The following TACO1 variants were observed in gnomAD, a reference collection of about 807,000 sequenced individuals.
TACO1 encodes translational activator of cytochrome c oxidase 1.
A neutral mutation model predicts 24.0 loss-of-function variants in TACO1; 13 were observed. The ratio of observed to expected loss-of-function variants is 0.54; its 90% CI spans 0.35 to 0.86. TACO1 has a LOEUF of 0.86. TACO1 is among the 40% of genes least tolerant of loss of function. The probability of loss-of-function intolerance (pLI) is 0.01; values close to 1 mark genes in which losing one functional copy is unlikely to be tolerated. For synonymous variants in TACO1, 149 were observed against 153.5 expected, an observed-to-expected ratio of 0.97 and a Z score of 0.22; for missense variants, 352 against 380.1, an observed-to-expected ratio of 0.93 and a Z score of 0.61.
chr17:63,608,119 G>A lies in TACO1; in HGVS notation c.*117G>A. The A allele has an allele frequency of 8.4e-7, 1 of 1,185,056 alleles. No homozygotes were observed. The highest frequency in any genetic ancestry group is 1.9e-5 in the Admixed American group (1 of 51,378). The allele number at this position is 1,185,056 out of a possible 1,614,324, so 73.4% of individuals were successfully genotyped here. A position where few individuals can be genotyped will look rare whatever the true frequency, so the allele number is the denominator to read the frequency against. ...GGTGGGAGGCTCAGCAGGCCAGGAG[G>A]CCCAAGGACAGGACTTGCGACCTTG... On this transcript the variant is annotated 3_prime_UTR_variant, in exon 5 of 5. Transcript: ENST00000258975.
At chr17:63,601,981 G>T (rs1049096468) in intron 1 of TACO1, among the ~76,000 whole-genome samples, 6 of 151,436 alleles carry the variant, frequency 4.0e-5, no homozygotes, top group Non-Finnish European at 7.4e-5. Flanking sequence ...TGGACTGGGC[G>T]CAGTGGCACA....
intron 4 of TACO1, 139 bp downstream of exon 4, chr17:63,607,603 G>A (rs1433904733): frequency 1.1e-5 from 11 of 1,022,992 alleles, no homozygotes; most frequent in Non-Finnish European, 1.6e-5. Context: ...CATTTATTAA[G>A]TGAATACTGA....
At position 63,601,058 on chromosome 17, in the gene TACO1, C is replaced by T. The variant is rs559064510; in HGVS notation, c.-26C>T. 1 of 1,538,006 alleles carries T rather than the reference C, an allele frequency of 6.5e-7. No homozygotes were observed. Among genetic ancestry groups the T allele is most frequent in the Non-Finnish European group, 8.7e-7 (1 of 1,145,878 alleles). ...CGCCGGCGTTGGCCGCTGCTGCTAG[C>T]AGCTTGAACCCCAGGGTCGGGACCG... On this transcript the variant is annotated 5_prime_UTR_variant, in exon 1 of 5. Transcript: ENST00000258975.
intron 1 of TACO1, among the ~76,000 whole-genome samples, chr17:63,602,645 G>A (rs1306942180): frequency 6.6e-6 from 1 of 151,906 alleles, no homozygotes; most frequent in East Asian, 1.9e-4. Context: ...TCCTGCTTTA[G>A]CCTCCGGAGT....
chr17:63,607,764 T>C, intron 4 of TACO1, 38 bp from the exon 5 acceptor site: 4 of 1,593,858 alleles, frequency 2.5e-6, no homozygotes, highest in Non-Finnish European at 3.4e-6. Context: ...TCTCATTACC[T>C]CCTGGCTCCT....
chr17:63,604,476 C>T, intron 1 of TACO1, 58 bp from the exon 2 acceptor site: 1 of 1,444,546 alleles, frequency 6.9e-7, no homozygotes, highest in Non-Finnish European at 9.7e-7. Context: ...TTTTATTCTC[C>T]CATGTTGTAA....
chr17:63,601,088 CG>C lies in TACO1; in HGVS notation c.7del (p.Ala3LeufsTer7). M[S>X]AWAAASLSRA... Reference sequence around the variant, plus strand: ...TGAACCCCAGGGTCGGGACCGATGTCGGCTTGGGCTGCTGCCAGCCTAAGCA... The same window carrying C: ...TGAACCCCAGGGTCGGGACCGATGTCGCTTGGGCTGCTGCCAGCCTAAGCA... On this transcript the variant is annotated frameshift_variant, in exon 1 of 5. Transcript: ENST00000258975. LOFTEE classifies it high-confidence loss of function. 1 of 1,540,986 alleles carries C rather than the reference CG, an allele frequency of 6.5e-7. No individual in the cohort carries two copies. Among genetic ancestry groups the C allele is most frequent in the Non-Finnish European group, 8.7e-7 (1 of 1,146,068 alleles).
At chr17:63,604,710 A>G (rs1265152090) in intron 2 of TACO1, 70 bp downstream of exon 2, 4 of 1,371,746 alleles carry the variant, frequency 2.9e-6, no homozygotes, top group Non-Finnish European at 4.2e-6. Context: ...TGGCCAACAA[A>G]CACACTGTAA....
intron 2 of TACO1, among the ~76,000 whole-genome samples, chr17:63,605,639 T>A (rs2033856988): frequency 6.6e-6 from 1 of 152,216 alleles, no homozygotes; most frequent in Admixed American, 6.5e-5. Flanking sequence ...TGCCTTCATG[T>A]AGGCCATGGT....
intron 3 of TACO1, chr17:63,607,071 A>C: frequency 3.3e-6 from 2 of 599,610 alleles, no homozygotes; most frequent in East Asian, 2.9e-5. Context: ...CTTCCTCCCA[A>C]CTGCAATCAG....
rs1260967130 is a variant in TACO1, at chr17:63,600,949, G to A, written c.-135G>A. 9 of 1,042,778 alleles carry A rather than the reference G, an allele frequency of 8.6e-6. 1 individual carries two copies. The South Asian group carries it at 8.8e-5, about 10-fold the overall frequency. The allele number at this position is 1,042,778 out of a possible 1,614,324, so 64.6% of individuals were successfully genotyped here. ...GTCATTAGCTGTTGAGCCGCCCCGG[G>A]CGGGCCCAAGCCTTTGGATCTCAGG... On this transcript the variant is annotated 5_prime_UTR_variant, in exon 1 of 5. Coordinates refer to ENST00000258975, the MANE Select transcript of TACO1 (RefSeq NM_016360.4).
At position 63,601,376 on chromosome 17, in the gene TACO1, C is replaced by A; in HGVS notation, c.280+13C>A. On this transcript the variant is annotated intron_variant, in intron 1 of 4. Transcript: ENST00000258975. ...CTGGCAGTGAAAGGTGAGACCCTGA[C>A]GGTCACCCAGCACTGGCTGCCGCTG... 1 of 1,610,948 alleles carries A rather than the reference C, an allele frequency of 6.2e-7. No homozygotes were observed. The highest frequency in any genetic ancestry group is 8.5e-7 in the Non-Finnish European group (1 of 1,179,732).
At chr17:63,601,412 GC>G in intron 1 of TACO1, 49 bp downstream of exon 1, 1 of 1,599,578 alleles carries the variant, frequency 6.3e-7, no homozygotes, top group South Asian at 1.1e-5. Context: ...CCCTCTCAGT[GC>G]CCGCAGCCTC....
rs1450638236 is a variant in TACO1, at chr17:63,601,082, C to T, written c.-2C>T. ...GCAGCTTGAACCCCAGGGTCGGGAC[C>T]GATGTCGGCTTGGGCTGCTGCCAGC... On this transcript the variant is annotated 5_prime_UTR_variant, in exon 1 of 5. Transcript: ENST00000258975. 3.2e-6 allele frequency: 5 copies of T among 1,540,606 alleles called. No individual in the cohort carries two copies. The African/African-American group carries it at 5.5e-5, about 17-fold the overall frequency.
At chr17:63,605,963 G>C (rs2147788170) in intron 2 of TACO1, among the ~76,000 whole-genome samples, 1 of 152,310 alleles carries the variant, frequency 6.6e-6, no homozygotes, top group Admixed American at 6.5e-5. Context: ...GGGACCTTGA[G>C]ACTTGACCGG....
chr17:63,603,583 G>A (rs1360861373), intron 1 of TACO1, among the ~76,000 whole-genome samples: 1 of 151,846 alleles, frequency 6.6e-6, no homozygotes, highest in Non-Finnish European at 1.5e-5. Context: ...GCAGACACCT[G>A]TAATCCCAGC....
rs1326060223 is a variant in TACO1, at chr17:63,608,162, CT to C, written c.*162del. On this transcript the variant is annotated 3_prime_UTR_variant, in exon 5 of 5. Coordinates refer to ENST00000258975, the MANE Select transcript of TACO1 (RefSeq NM_016360.4). ...CGACCTTGAAGCCAAAGGAATCTCA[CT>C]TGTGGGGCCTCCTTGTCAGCTCTGC... 1 of 752,532 alleles carries C rather than the reference CT, an allele frequency of 1.3e-6. No homozygotes were observed. The highest frequency in any genetic ancestry group is 2.3e-6 in the Non-Finnish European group (1 of 439,698). 46.6% of individuals were successfully genotyped at this position (752,532 alleles called of 1,614,324 possible).
chr17:63,606,688 G>A, intron 3 of TACO1: 1 of 505,192 alleles, frequency 2.0e-6, no homozygotes. Context: ...TGGGATTAAA[G>A]ATACCCACAG....
rs774659710 is a variant in TACO1 at position 63,607,870 on chromosome 17, G to A, written c.762G>A (p.Val254=). 16 of 1,614,060 alleles carry A rather than the reference G, an allele frequency of 9.9e-6. No individual in the cohort carries two copies. Among genetic ancestry groups the A allele is most frequent in the Admixed American group, 1.7e-5 (1 of 60,000 alleles). Residue 254 remains valine, a synonymous_variant, in exon 5 of 5, where the codon GTG becomes GTA. Coordinates refer to ENST00000258975, the MANE Select transcript of TACO1 (RefSeq NM_016360.4). Reference sequence around the variant, plus strand: ...TGGACTCCCTGGGCCTGTGTTCTGTGTCCTGTGCACTAGAGTTCATCCCCA... The same window carrying A: ...TGGACTCCCTGGGCCTGTGTTCTGTATCCTGTGCACTAGAGTTCATCCCCA... ...KKLDSLGLCS[V]SCALEFIPNS...
Sources: allele counts gnomAD v4.1 joint callset (sites outside exome capture counted in the v4.1 genomes callset), GRCh38; gene constraint gnomAD v4.1.1; transcripts MANE v1.5; gene names NCBI Gene and HGNC (gene_info 2026-07-23, HGNC 2026-07-21).